ANK2: variants seen among roughly 807,000 people sequenced by gnomAD.
The protein encoded by ANK2 is ankyrin-2.
A neutral mutation model predicts 360.5 loss-of-function variants in ANK2; 83 were observed. The observed-to-expected ratio is 0.23, with a 90% CI of 0.19 to 0.28. ANK2 has a LOEUF of 0.28. Among genes scored for constraint, ANK2 ranks in the 10% least tolerant of loss-of-function variants. ANK2 has a pLI of 1.00. For missense variants in ANK2, 4,201 were observed against 4,795.7 expected, an observed-to-expected ratio of 0.88 and a Z score of 3.66; for synonymous variants, 1,740 against 1,759.5, an observed-to-expected ratio of 0.99 and a Z score of 0.28.
At chr4:112,913,768 G>C (rs986874331) in intron 2 of ANK2, among the ~76,000 whole-genome samples, 1 of 152,144 alleles carries the variant, frequency 6.6e-6, no homozygotes, top group African/African-American at 2.4e-5. Flanking sequence ...AAATCATAGA[G>C]AAGTTATAAC....
intron 1 of ANK2, among the ~76,000 whole-genome samples, chr4:113,094,379 C>T (rs1363611444): frequency 6.6e-6 from 1 of 152,110 alleles, no homozygotes; most frequent in African/African-American, 2.4e-5. Flanking sequence ...AGAAAAAAGA[C>T]GTTCTCAAAG....
intron 1 of ANK2, among the ~76,000 whole-genome samples, chr4:112,853,080 T>C (rs556304911): frequency 1.3e-5 from 2 of 152,278 alleles, no homozygotes; most frequent in East Asian, 3.9e-4. Flanking sequence ...GCTAATTTTT[T>C]TTTTTTTGAG....
At chr4:113,032,469 AG>A (rs2060622178) in intron 2 of ANK2, among the ~76,000 whole-genome samples, 1 of 151,980 alleles carries the variant, frequency 6.6e-6, no homozygotes, top group Admixed American at 6.6e-5. Context: ...CTGTTATTAC[AG>A]GGGGATTCCA....
In ANK2 at chr4:112,838,080, C is replaced by T. The variant is rs531660358; in HGVS notation, c.-40+19816C>T. ...CAAATCTCATCTTGAATTGTAGTCC[C>T]CACATGTTGAGGGAGGGACATGGTG... On this transcript the variant is annotated intron_variant, in intron 1 of 30. Coordinates refer to the ANK2 transcript ENST00000503271. Among the ~76,000 whole-genome samples the T allele has an allele frequency of 2.6e-5, 4 of 152,214 alleles. No individual in the cohort carries two copies. The South Asian group carries it at 8.3e-4, about 32-fold the overall frequency.
intron 1 of ANK2, among the ~76,000 whole-genome samples, chr4:113,101,288 A>G (rs1248837664): frequency 6.6e-6 from 1 of 152,148 alleles, no homozygotes; most frequent in African/African-American, 2.4e-5. Context: ...ACATGAATGA[A>G]TTTGATATTT....
intron 2 of ANK2, among the ~76,000 whole-genome samples, chr4:113,195,341 C>CT (rs1221935123): frequency 6.6e-6 from 1 of 151,938 alleles, no homozygotes; most frequent in Non-Finnish European, 1.5e-5. Flanking sequence ...ACAACTTTTT[C>CT]TTTTTTTACA....
At chr4:113,375,704 A>G (rs2096903138) in intron 45 of ANK2, among the ~76,000 whole-genome samples, 1 of 151,758 alleles carries the variant, frequency 6.6e-6, no homozygotes, top group Non-Finnish European at 1.5e-5. Flanking sequence ...CAGCCTGGGC[A>G]ACAGAGCGAG....
the ANK2 span, among the ~76,000 whole-genome samples, chr4:112,806,014 C>A: frequency 6.6e-6 from 1 of 151,994 alleles, no homozygotes; most frequent in Non-Finnish European, 1.5e-5. Context: ...TCAGAGTAAC[C>A]AGGGTATTCA....
intron 2 of ANK2, among the ~76,000 whole-genome samples, chr4:112,923,702 A>G (rs1463121319): frequency 2.0e-5 from 3 of 152,190 alleles, no homozygotes; most frequent in African/African-American, 7.2e-5. Context: ...TATTAACATT[A>G]AGCAATCTCT....
In ANK2 at chr4:113,311,349, G is replaced by A. The variant is rs936820651; in HGVS notation, c.2643G>A (p.Leu881=). The A allele has an allele frequency of 2.5e-6, 4 of 1,613,992 alleles. No individual in the cohort carries two copies. Among genetic ancestry groups the A allele is most frequent in the Admixed American group, 1.7e-5 (1 of 60,002 alleles). The part of the protein sequence containing the change: ...GDDSLPSSQF[L]DGMNYLRYSL... ...ACTCACTACCCAGCAGTCAGTTCCT[G>A]GATGGTATGAATTACCTGCGATACA... The change falls in exon 24 of 46, where the codon CTG becomes CTA. Residue 881 remains leucine (L), a synonymous_variant. Transcript: ENST00000357077.
At position 112,977,570 on chromosome 4, in the gene ANK2, A is replaced by AT. The variant is rs796866393; in HGVS notation, c.21+73068dup. Among the ~76,000 whole-genome samples the AT allele has an allele frequency of 6.4e-4, 95 of 147,778 alleles. 1 individual carries two copies. The East Asian group carries it at 0.012, about 19-fold the overall frequency. Reference sequence around the variant, plus strand: ...AAAAAATTTTATTTATTTTTATTTTATTTTTTTTTTTTACTTTAAGTTCTG... The same window carrying AT: ...AAAAAATTTTATTTATTTTTATTTTATTTTTTTTTTTTTACTTTAAGTTCTG... On this transcript the variant is annotated intron_variant, in intron 2 of 30. Coordinates refer to the ANK2 transcript ENST00000503271.
intron 1 of ANK2, among the ~76,000 whole-genome samples, chr4:113,140,580 A>G (rs2096600885): frequency 1.3e-5 from 2 of 152,170 alleles, no homozygotes; most frequent in Admixed American, 1.3e-4. Context: ...GAGAGAAAAA[A>G]ATTTAATTCA....
At chr4:113,325,146 C>A (rs1006964691) in intron 26 of ANK2, among the ~76,000 whole-genome samples, 5 of 152,122 alleles carry the variant, frequency 3.3e-5, no homozygotes, top group Admixed American at 6.5e-5. Context: ...GTAAGAGATG[C>A]AATTAAAGCT....
intron 4 of ANK2, among the ~76,000 whole-genome samples, chr4:113,230,539 C>A (rs995484228): frequency 6.6e-6 from 1 of 151,980 alleles, no homozygotes; most frequent in Non-Finnish European, 1.5e-5. Flanking sequence ...GTTTTCTCCT[C>A]TTTTAAGTTT....
chr4:112,775,922 T>C, the ANK2 span, among the ~76,000 whole-genome samples: 1 of 152,326 alleles, frequency 6.6e-6, no homozygotes, highest in South Asian at 2.1e-4. Context: ...TAAAACATGT[T>C]GCAGCCCAGC....
At chr4:112,914,092 G>A (rs1339456692) in intron 2 of ANK2, among the ~76,000 whole-genome samples, 1 of 152,076 alleles carries the variant, frequency 6.6e-6, no homozygotes, top group African/African-American at 2.4e-5. Flanking sequence ...TGGGGCTTCT[G>A]TAACTTGTTT....
chr4:113,371,106 G>A (rs1396943106), intron 43 of ANK2, among the ~76,000 whole-genome samples: 15 of 152,074 alleles, frequency 9.9e-5, no homozygotes, highest in Admixed American at 8.5e-4. Context: ...ATAAAGCTTA[G>A]TAGTAAAAGA....
chr4:112,775,069 G>A, the ANK2 span, among the ~76,000 whole-genome samples: 4 of 152,084 alleles, frequency 2.6e-5, no homozygotes, highest in African/African-American at 7.2e-5. Flanking sequence ...TTTTGTGTTT[G>A]GACCAGCTGG....
chr4:112,957,961 G>A (rs1419732583), intron 2 of ANK2, among the ~76,000 whole-genome samples: 3 of 151,878 alleles, frequency 2.0e-5, no homozygotes, highest in South Asian at 2.1e-4. Flanking sequence ...CAGACGGGGC[G>A]GCGGGGCAGA....
Sources: allele counts gnomAD v4.1 joint callset (sites outside exome capture counted in the v4.1 genomes callset), GRCh38; gene constraint gnomAD v4.1.1; transcripts MANE v1.5; gene names NCBI Gene and HGNC (gene_info 2026-07-23, HGNC 2026-07-21).